TRIM66: variants seen among roughly 807,000 people sequenced by gnomAD.
TRIM66 encodes the protein tripartite motif-containing protein 66.
In TRIM66, 99 loss-of-function variants were observed where a neutral mutation model predicts 148.2. The ratio of observed to expected loss-of-function variants is 0.67; its 90% confidence interval spans 0.57 to 0.79. The LOEUF is 0.79. Among genes scored for constraint, TRIM66 ranks in the 30% least tolerant of loss-of-function variants. The pLI is 0.00. For missense variants in TRIM66, 1,666 were observed against 1,697.9 expected, an observed-to-expected ratio of 0.98 and a Z score of 0.33; for synonymous variants, 616 against 635.9, an observed-to-expected ratio of 0.97 and a Z score of 0.47.
chr11:8,617,909 A>G lies in TRIM66; in HGVS notation c.*35T>C. The G allele has an allele frequency of 5.8e-6, 9 of 1,549,346 alleles. No homozygotes were observed. Among genetic ancestry groups the G allele is most frequent in the Non-Finnish European group, 7.9e-6 (9 of 1,144,832 alleles). On this transcript the variant is annotated 3_prime_UTR_variant, in exon 25 of 25. Coordinates refer to ENST00000646038, the MANE Select transcript of TRIM66 (RefSeq NM_001388022.1). ...GGAGGAATGGTCGACAGTATGGGAC[A>G]ACAGCTGCCAGAGTGCCCAGTCTCC...
In TRIM66 at chr11:8,640,411, T is replaced by C. The variant is rs770267898; in HGVS notation, c.1964A>G (p.His655Arg). ...ACSQNMDIMH[H>R]KFELEEMQKD... ...CTGCATTTCCTCCAGCTCAAACTTGTGATGCATTATGTCCATGTTCTGAGA... is the reference window on the plus strand; with the variant it reads ...CTGCATTTCCTCCAGCTCAAACTTGCGATGCATTATGTCCATGTTCTGAGA... The change falls in exon 14 of 25, where the codon CAC becomes CGC. Residue 655 changes from histidine to arginine, a missense_variant. His to Arg is a conservative substitution (Grantham distance 29). Coordinates refer to ENST00000646038, the MANE Select transcript of TRIM66 (RefSeq NM_001388022.1). 5 of 1,551,818 alleles carry C rather than the reference T, an allele frequency of 3.2e-6. No homozygotes were observed. The highest frequency in any genetic ancestry group is 1.2e-5 in the South Asian group (1 of 84,042).
chr11:8,638,149 T>A (rs1277103563), intron 15 of TRIM66, among the ~76,000 whole-genome samples: 1 of 152,222 alleles, frequency 6.6e-6, no homozygotes, highest in Non-Finnish European at 1.5e-5. Flanking sequence ...CTCTGGGTTG[T>A]GGAGGCCACA....
At chr11:8,673,019 A>G in intron 4 of TRIM66, among the ~76,000 whole-genome samples, 1 of 149,410 alleles carries the variant, frequency 6.7e-6, no homozygotes. Context: ...TGCTCACTGC[A>G]AGCTCCACCT....
intron 6 of TRIM66, among the ~76,000 whole-genome samples, chr11:8,665,661 A>C (rs2038541556): frequency 6.6e-6 from 1 of 152,208 alleles, no homozygotes; most frequent in Non-Finnish European, 1.5e-5. Context: ...GTTCCAAGTA[A>C]TAAAGAGGAA....
intron 3 of TRIM66, among the ~76,000 whole-genome samples, chr11:8,676,730 A>G (rs1164742996): frequency 1.3e-5 from 2 of 152,232 alleles, no homozygotes; most frequent in Non-Finnish European, 2.9e-5. Context: ...GGCTGCTTTC[A>G]TCATAACTTA....
chr11:8,672,251 G>A lies in TRIM66; in HGVS notation c.24C>T (p.Ser8=). 6.5e-7 allele frequency: 1 copy of A among 1,536,100 alleles called. No homozygotes were observed. Among genetic ancestry groups the A allele is most frequent in the Non-Finnish European group, 8.7e-7 (1 of 1,146,896 alleles). ...TGCCTCAGCCTCAGTTCCTCACCTGGGACCAAAAAGAGAGTCTAGCCATCT... is the reference window on the plus strand; with the variant it reads ...TGCCTCAGCCTCAGTTCCTCACCTGAGACCAAAAAGAGAGTCTAGCCATCT... MARLSFW[S]QGVELARSTR... Residue 8 remains serine, a synonymous_variant, in exon 5 of 25, where the codon TCC becomes TCT. Coordinates refer to ENST00000646038, the MANE Select transcript of TRIM66 (RefSeq NM_001388022.1).
At chr11:8,629,235 T>C (rs1276604874) in intron 15 of TRIM66, among the ~76,000 whole-genome samples, 1 of 152,242 alleles carries the variant, frequency 6.6e-6, no homozygotes, top group Non-Finnish European at 1.5e-5. Context: ...TATTTCCTTA[T>C]CTATGAACAA....
In TRIM66 at chr11:8,621,030, A is replaced by C. The variant is rs1302230103; in HGVS notation, c.3545+2T>G. On this transcript the variant is annotated splice_donor_variant, in intron 20 of 24. Transcript: ENST00000646038. LOFTEE classifies it high-confidence loss of function. The stretch of plus-strand genomic sequence containing the variant: ...TGATGGTCCTGGACTGGCATGACTC[A>C]CCCTGGGAAGCTGAGCAAGGCTGGC... The C allele has an allele frequency of 6.4e-7, 1 of 1,550,988 alleles. No homozygotes were observed.
intron 3 of TRIM66, chr11:8,678,299 AAGAT>A (rs1272328948): frequency 2.0e-5 from 3 of 152,218 alleles, no homozygotes; most frequent in Admixed American, 1.3e-4. Context: ...GGCTTAATAA[AAGAT>A]AGCACATGCT....
At chr11:8,651,580 A>C (rs931141476) in intron 7 of TRIM66, among the ~76,000 whole-genome samples, 1 of 152,194 alleles carries the variant, frequency 6.6e-6, no homozygotes, top group African/African-American at 2.4e-5. Context: ...GATTGACACA[A>C]AAAAAAGTCA....
chr11:8,674,675 T>G (rs2039095511), intron 4 of TRIM66, 131 bp downstream of exon 4: 1 of 152,058 alleles, frequency 6.6e-6, no homozygotes, highest in African/African-American at 2.4e-5. Flanking sequence ...CGTGAGCCAC[T>G]GCACCCAGCC....
In TRIM66 at chr11:8,624,549, C is replaced by T. The variant is rs773077855; in HGVS notation, c.2829G>A (p.Met943Ile). ...DPSLENALCK[M>I]ESEDSTRFTD... ...TGAAGCGAGTGGAATCCTCACTTTC[C>T]ATCTTTCAAAAGTGAAATGTCGACA... is the stretch of plus-strand genomic sequence containing the variant. Residue 943 changes from methionine to isoleucine, a missense_variant and splice_region_variant, in exon 17 of 25, where the codon ATG becomes ATA. Met to Ile is a conservative substitution (Grantham distance 10). Transcript: ENST00000646038. 2.0e-6 allele frequency: 3 copies of T among 1,522,894 alleles called. No individual in the cohort carries two copies. Among genetic ancestry groups the T allele is most frequent in the South Asian group, 2.5e-5 (2 of 79,562 alleles). 94.3% of individuals were successfully genotyped at this position (1,522,894 alleles called of 1,614,324 possible). A position where few individuals can be genotyped will look rare whatever the true frequency, so the allele number is the denominator to read the frequency against.
intron 15 of TRIM66, among the ~76,000 whole-genome samples, chr11:8,627,536 A>G (rs1038744173): frequency 6.6e-6 from 1 of 151,556 alleles, no homozygotes; most frequent in South Asian, 2.1e-4. Context: ...TGCTCAGTAA[A>G]CCCCAGTTGT....
intron 6 of TRIM66, among the ~76,000 whole-genome samples, chr11:8,664,020 A>T (rs1008264378): frequency 2.6e-5 from 4 of 152,184 alleles, no homozygotes; most frequent in African/African-American, 9.6e-5. Context: ...AAAGAATACA[A>T]AATCCAAGTT....
intron 8 of TRIM66, 40 bp from the exon 9 acceptor site, chr11:8,648,588 G>C (rs1565535295): frequency 6.5e-7 from 1 of 1,549,382 alleles, no homozygotes; most frequent in Non-Finnish European, 8.7e-7. Context: ...CTCTTGCTCA[G>C]GTAGACAAAC....
At chr11:8,680,645 G>A (rs943644116) in intron 1 of TRIM66, 9 of 152,292 alleles carry the variant, frequency 5.9e-5, no homozygotes, top group African/African-American at 2.2e-4. Flanking sequence ...GAGTTCTTTG[G>A]ATATGTTTAC....
Position 8,671,903 on chromosome 11 carries a change from G to C in TRIM66, c.223C>G (p.Leu75Val), listed in dbSNP as rs2038956186. The C allele has an allele frequency of 6.5e-7, 1 of 1,536,010 alleles. No individual in the cohort carries two copies. Among genetic ancestry groups the C allele is most frequent in the Non-Finnish European group, 8.7e-7 (1 of 1,146,914 alleles). Residue 75 changes from leucine (L) to valine (V), a missense_variant, in exon 6 of 25, where the codon CTG (leucine) becomes GTG (valine). By Grantham distance (32) the Leu-to-Val change is conservative (BLOSUM62 1). Around this residue, in one of 3 missense-constraint regions of TRIM66, gnomAD observed 1,431 missense variants for 1,412.4 expected, o/e 1.01. Transcript: ENST00000646038. ...VMTCSLCHQD[L>V]PGMGSHLLSC... ...AGGAGATGAGAGCCCATACCTGGCA[G>C]GTCCTGATGGCACAATGAGCAGGTC...
intron 6 of TRIM66, among the ~76,000 whole-genome samples, chr11:8,653,990 C>A (rs1467466553): frequency 6.6e-6 from 1 of 152,132 alleles, no homozygotes; most frequent in African/African-American, 2.4e-5. Context: ...ACTTGGCTCA[C>A]CCTGAGGTGA....
At position 8,624,563 on chromosome 11, in the gene TRIM66, G is replaced by A; in HGVS notation, c.2827-12C>T. On this transcript the variant is annotated splice_polypyrimidine_tract_variant and intron_variant, in intron 16 of 24. Coordinates refer to ENST00000646038, the MANE Select transcript of TRIM66 (RefSeq NM_001388022.1). ...TCCTCACTTTCCATCTTTCAAAAGT[G>A]AAATGTCGACAAGAATCAAAGAACT... The A allele has an allele frequency of 3.9e-6, 6 of 1,520,042 alleles. No homozygotes were observed. The highest frequency in any genetic ancestry group is 4.4e-6 in the Non-Finnish European group (5 of 1,133,658). The allele number at this position is 1,520,042 out of a possible 1,614,324, so 94.2% of individuals were successfully genotyped here. A position where few individuals can be genotyped will look rare whatever the true frequency, so the allele number is the denominator to read the frequency against.
Sources: gnomAD v4.1 joint callset for allele counts (sites outside exome capture counted in the v4.1 genomes callset) on GRCh38, gnomAD v4.1.1 for gene constraint, gnomAD v4.1.1 regional missense constraint, MANE v1.5 for transcripts, NCBI Gene and HGNC (gene_info 2026-07-23, HGNC 2026-07-21) for gene names.